E2F3: variants seen among roughly 807,000 people sequenced by gnomAD.
E2F3 encodes the protein transcription factor E2F3.
Under a neutral mutation model 44.4 loss-of-function variants are expected in E2F3, and 11 were observed. The observed-to-expected ratio is 0.25, with a 90% CI of 0.16 to 0.41. The LOEUF is 0.41. Ranked by LOEUF, E2F3 falls within the 10% of genes least tolerant of loss-of-function variation. The probability of loss-of-function intolerance (pLI) is 1.00; values close to 1 mark genes in which losing one functional copy is unlikely to be tolerated. For missense variants in E2F3, 487 were observed against 583.6 expected (o/e 0.83, Z 1.70); for synonymous variants, 249 against 253.0 (o/e 0.98, Z 0.15).
Position 20,481,403 on chromosome 6 carries a change from T to C in E2F3, c.703T>C (p.Ser235Pro). The change falls in exon 3 of 7, where the codon TCT (serine) becomes CCT (proline). Residue 235 changes from serine (S) to proline (P), a missense_variant. Transcript: ENST00000346618. ...LEGIHLIKKKSKNNVQWMGCS... is the reference protein window; with the variant it reads ...LEGIHLIKKKPKNNVQWMGCS... ...AGGCATCCACCTCATTAAGAAGAAGTCTAAAAACAACGTCCAATGGATGTG... is the reference window on the plus strand; with the variant it reads ...AGGCATCCACCTCATTAAGAAGAAGCCTAAAAACAACGTCCAATGGATGTG... 6.2e-7 allele frequency: 1 copy of C among 1,614,004 alleles called. No homozygotes were observed. Among genetic ancestry groups the C allele is most frequent in the Non-Finnish European group, 8.5e-7 (1 of 1,180,012 alleles).
At position 20,482,873 on chromosome 6, in the gene E2F3, C is replaced by T; in HGVS notation, c.837C>T (p.Ser279=). The T allele has an allele frequency of 6.2e-7, 1 of 1,613,914 alleles. No homozygotes were observed. Among genetic ancestry groups the T allele is most frequent in the East Asian group, 2.2e-5 (1 of 44,868 alleles). Residue 279 remains serine (S), a synonymous_variant, in exon 4 of 7, where the codon AGC becomes AGT. Transcript: ENST00000346618. The part of the protein sequence containing the change: ...EEKKLDELIQ[S]CTLDLKLLTE... The stretch of plus-strand genomic sequence containing the variant: ...AGAAATTAGATGAACTGATCCAAAG[C>T]TGCACCCTGGACCTCAAACTGTTAA...
chr6:20,426,563 C>G (rs1483811413), intron 1 of E2F3, among the ~76,000 whole-genome samples: 1 of 152,216 alleles, frequency 6.6e-6, no homozygotes, highest in Non-Finnish European at 1.5e-5. Context: ...CCATTCCCAG[C>G]CTCTCTGTTG....
chr6:20,467,471 A>G (rs1761752069), intron 1 of E2F3, among the ~76,000 whole-genome samples: 1 of 152,216 alleles, frequency 6.6e-6, no homozygotes, highest in South Asian at 2.1e-4. Context: ...ACCAATCTAA[A>G]AAATGAAACA....
intron 1 of E2F3, among the ~76,000 whole-genome samples, chr6:20,430,308 G>A (rs576078674): frequency 6.6e-6 from 1 of 152,142 alleles, no homozygotes; most frequent in South Asian, 2.1e-4. Flanking sequence ...ATTTTTATTT[G>A]CTAAATCTGA....
chr6:20,471,587 A>G (rs1761891841), intron 1 of E2F3, among the ~76,000 whole-genome samples: 1 of 152,250 alleles, frequency 6.6e-6, no homozygotes, highest in Non-Finnish European at 1.5e-5. Context: ...ACTCAAAAAA[A>G]TAAAATAAAA....
At chr6:20,482,599 A>AAATAT (rs1177675969) in intron 3 of E2F3, among the ~76,000 whole-genome samples, 163 bp from the exon 4 acceptor site, 3 of 134,498 alleles carry the variant, frequency 2.2e-5, no homozygotes, top group South Asian at 2.3e-4. Flanking sequence ...TGAAAAAAAA[A>AAATAT]ATATATATAT....
At position 20,403,220 on chromosome 6, in the gene E2F3, C is replaced by T. The variant is rs200889263; in HGVS notation, c.393+595C>T. Among the ~76,000 whole-genome samples, 142 of 63,414 alleles carry T rather than the reference C, an allele frequency of 2.2e-3. 1 individual carries two copies. The East Asian group carries it at 0.052, about 23-fold the overall frequency. The allele number at this position is 63,414 out of a possible 152,430, so 41.6% of individuals were successfully genotyped here. ...GGGGCTGGGGGAGGTGGAGGGGAGT[C>T]GGGCGTGGGGGAGGTGGGGCTGGAA... On this transcript the variant is annotated intron_variant, in intron 1 of 6. Coordinates refer to ENST00000346618, the MANE Select transcript of E2F3 (RefSeq NM_001949.5).
intron 1 of E2F3, among the ~76,000 whole-genome samples, chr6:20,434,403 A>G (rs2127594093): frequency 6.6e-6 from 1 of 152,320 alleles, no homozygotes; most frequent in South Asian, 2.1e-4. Context: ...AGACCTAAGA[A>G]TCTGTGGACT....
intron 4 of E2F3, among the ~76,000 whole-genome samples, chr6:20,483,202 G>A (rs1479675140): frequency 6.6e-6 from 1 of 152,064 alleles, no homozygotes; most frequent in Non-Finnish European, 1.5e-5. Flanking sequence ...TTTTTCATGT[G>A]TGGTTGAGAC....
At position 20,492,315 on chromosome 6, in the gene E2F3, CA is replaced by C. The variant is rs1461728886; in HGVS notation, c.*1886del. 5 of 232,794 alleles carry C rather than the reference CA, an allele frequency of 2.1e-5. No individual in the cohort carries two copies. The highest frequency in any genetic ancestry group is 4.3e-5 in the Non-Finnish European group (5 of 117,578). The allele number at this position is 232,794 out of a possible 1,614,324, so 14.4% of individuals were successfully genotyped here. On this transcript the variant is annotated 3_prime_UTR_variant, in exon 7 of 7. Coordinates refer to ENST00000346618, the MANE Select transcript of E2F3 (RefSeq NM_001949.5). ...ATGTTTGGGAAGAAAAACAAAGGTG[CA>C]GACTATCTTCCTTTTTTTCTTCTTC...
At chr6:20,456,314 A>T (rs1244312308) in intron 1 of E2F3, among the ~76,000 whole-genome samples, 4 of 139,538 alleles carry the variant, frequency 2.9e-5, no homozygotes, top group African/African-American at 7.7e-5. Context: ...TCCCCCAGTT[A>T]AAAAAAAAAA....
At chr6:20,411,659 T>C (rs1759677354) in intron 1 of E2F3, among the ~76,000 whole-genome samples, 1 of 152,204 alleles carries the variant, frequency 6.6e-6, no homozygotes. Flanking sequence ...CTCTGGTGTG[T>C]TTGCTCGTAG....
intron 3 of E2F3, among the ~76,000 whole-genome samples, chr6:20,482,423 C>G (rs1275744726): frequency 6.7e-6 from 1 of 149,666 alleles, no homozygotes; most frequent in South Asian, 2.1e-4. Flanking sequence ...CTTTCTTCCC[C>G]CACCACCTGG....
At position 20,464,228 on chromosome 6, in the gene E2F3, GTTGTCTGTTC is replaced by G. The variant is rs1761625276; in HGVS notation, c.394-15617_394-15608del. 3.3e-5 allele frequency among the ~76,000 whole-genome samples: 5 copies of G among 152,288 alleles called. No homozygotes were observed. The South Asian group carries it at 1.0e-3, about 32-fold the overall frequency. On this transcript the variant is annotated intron_variant, in intron 1 of 6. Coordinates refer to ENST00000346618, the MANE Select transcript of E2F3 (RefSeq NM_001949.5). The stretch of plus-strand genomic sequence containing the variant: ...TTGGCCTTTGGTGATCAGATGGGCT[GTTGTCTGTTC>G]ACCTTGAAACTGCCTTGAAATGCAT...
intron 1 of E2F3, among the ~76,000 whole-genome samples, chr6:20,447,498 G>T (rs919705198): frequency 1.3e-5 from 2 of 148,740 alleles, no homozygotes; most frequent in Non-Finnish European, 3.0e-5. Flanking sequence ...GCAGGTCTTG[G>T]GGGCAGTTCA....
At chr6:20,463,070 G>A (rs1256929064) in intron 1 of E2F3, among the ~76,000 whole-genome samples, 2 of 151,458 alleles carry the variant, frequency 1.3e-5, no homozygotes, top group Non-Finnish European at 2.9e-5. Context: ...TTACAGGTGT[G>A]CACCACCAGA....
In E2F3 at chr6:20,402,121, C is replaced by G; in HGVS notation, c.-112C>G. 7.0e-7 allele frequency: 1 copy of G among 1,426,536 alleles called. No individual in the cohort carries two copies. Among genetic ancestry groups the G allele is most frequent in the Non-Finnish European group, 9.1e-7 (1 of 1,097,328 alleles). 88.4% of individuals were successfully genotyped at this position (1,426,536 alleles called of 1,614,324 possible). A position where few individuals can be genotyped will look rare whatever the true frequency, so the allele number is the denominator to read the frequency against. The stretch of plus-strand genomic sequence containing the variant: ...AGAGAGAGAGGGGGCTCGGAAGCGC[C>G]GGGCGGGGAGGAGAGAAGGAGGAGA... On this transcript the variant is annotated 5_prime_UTR_variant, in exon 1 of 7. Coordinates refer to ENST00000346618, the MANE Select transcript of E2F3 (RefSeq NM_001949.5). The surrounding 1 kb of genome is among the most constrained non-coding windows in gnomAD (Gnocchi z 5.6).
intron 4 of E2F3, among the ~76,000 whole-genome samples, chr6:20,483,659 C>T (rs1382468854): frequency 6.6e-6 from 1 of 152,190 alleles, no homozygotes; most frequent in Non-Finnish European, 1.5e-5. Context: ...TTCATCATCT[C>T]ACTACAGACA....
intron 1 of E2F3, among the ~76,000 whole-genome samples, chr6:20,404,389 G>A (rs997042907): frequency 3.9e-5 from 6 of 152,116 alleles, no homozygotes; most frequent in Non-Finnish European, 7.4e-5. Context: ...CCATGCCTCC[G>A]GGTCTTCACC....
Sources: allele counts gnomAD v4.1 joint callset (sites outside exome capture counted in the v4.1 genomes callset), GRCh38; gene constraint gnomAD v4.1.1; non-coding constraint Gnocchi (gnomAD v3.1); transcripts MANE v1.5; gene names NCBI Gene and HGNC (gene_info 2026-07-23, HGNC 2026-07-21).